ARHGAP20: variants seen among roughly 807,000 people sequenced by gnomAD.
The protein encoded by ARHGAP20 is Rho GTPase activating protein 20, also known as rho GTPase-activating protein 20.
A neutral mutation model predicts 73.7 loss-of-function variants in ARHGAP20; 34 were observed. The ratio of observed to expected loss-of-function variants is 0.46; its 90% CI spans 0.35 to 0.61. The LOEUF is 0.61. Among genes scored for constraint, ARHGAP20 ranks in the 20% least tolerant of loss-of-function variants. The probability of loss-of-function intolerance (pLI) is 0.00; values close to 1 mark genes in which losing one functional copy is unlikely to be tolerated. For missense variants in ARHGAP20, 1,314 were observed against 1,420.9 expected (o/e 0.92, Z 1.21); for synonymous variants, 523 against 518.2 (o/e 1.01, Z -0.13).
intron 2 of ARHGAP20, among the ~76,000 whole-genome samples, chr11:110,666,866 G>C (rs113456171): frequency 2.8e-4 from 42 of 152,300 alleles, no homozygotes; most frequent in African/African-American, 9.6e-4. Context: ...TACGGGGAAA[G>C]TTTTAGGGAT....
At chr11:110,711,446 C>G (rs1332265578) in intron 1 of ARHGAP20, among the ~76,000 whole-genome samples, 3 of 150,702 alleles carry the variant, frequency 2.0e-5, no homozygotes, top group Non-Finnish European at 4.4e-5. Flanking sequence ...TAGGCCCAGC[C>G]GAACCTACAT....
chr11:110,581,279 A>C, intron 14 of ARHGAP20, 54 bp from the exon 15 acceptor site: 22 of 1,495,864 alleles, frequency 1.5e-5, no homozygotes, highest in Non-Finnish European at 1.9e-5. Context: ...AAATATACTC[A>C]TGCTTCCTTA....
At chr11:110,635,642 T>C (rs1051741867) in intron 2 of ARHGAP20, among the ~76,000 whole-genome samples, 3 of 152,086 alleles carry the variant, frequency 2.0e-5, no homozygotes, top group African/African-American at 7.2e-5. Context: ...CCACATACTA[T>C]GTATAACTTA....
chr11:110,665,212 G>A (rs1949699843), intron 2 of ARHGAP20, among the ~76,000 whole-genome samples: 2 of 152,182 alleles, frequency 1.3e-5, no homozygotes, highest in Non-Finnish European at 2.9e-5. Context: ...CTAAAACAGT[G>A]TTTTAAAAAG....
Position 110,578,819 on chromosome 11 carries a change from A to C in ARHGAP20, c.*551T>G. On this transcript the variant is annotated 3_prime_UTR_variant, in exon 15 of 15. Coordinates refer to ENST00000683387, the MANE Select transcript of ARHGAP20 (RefSeq NM_001384657.1). ...GTTCTTGGAATGATTCTGTAAGGAC[A>C]CGTGATTAGTAAGATCCCACAAAAA... is the stretch of plus-strand genomic sequence containing the variant. The C allele has an allele frequency of 1.0e-6, 1 of 985,928 alleles. No homozygotes were observed. Among genetic ancestry groups the C allele is most frequent in the Non-Finnish European group, 1.2e-6 (1 of 830,022 alleles). The allele number at this position is 985,928 out of a possible 1,614,324, so 61.1% of individuals were successfully genotyped here.
At chr11:110,702,335 AC>A (rs1591192609) in intron 1 of ARHGAP20, among the ~76,000 whole-genome samples, 2 of 152,216 alleles carry the variant, frequency 1.3e-5, no homozygotes, top group Admixed American at 6.5e-5. Flanking sequence ...AAATTCAACA[AC>A]CCTTCATGCT....
rs1395061511 is a variant in ARHGAP20, at chr11:110,619,448, T to C, written c.504-3854A>G. On this transcript the variant is annotated intron_variant, in intron 4 of 14. Coordinates refer to ENST00000683387, the MANE Select transcript of ARHGAP20 (RefSeq NM_001384657.1). ...GTAGAGTATATGCAGTGATAGAGTA[T>C]ATGTAGTGATAGTGTATATGTAGTG... Among the ~76,000 whole-genome samples, 3 of 151,624 alleles carry C rather than the reference T, an allele frequency of 2.0e-5. No homozygotes were observed. The East Asian group carries it at 5.8e-4, about 29-fold the overall frequency.
chr11:110,635,260 T>A (rs574427718), intron 2 of ARHGAP20, among the ~76,000 whole-genome samples: 2 of 152,016 alleles, frequency 1.3e-5, no homozygotes, highest in African/African-American at 4.8e-5. Context: ...CTGATCAGCA[T>A]CATCATCATC....
chr11:110,585,091 GTGAATATA>G (rs967245325), intron 12 of ARHGAP20, among the ~76,000 whole-genome samples: 2 of 149,846 alleles, frequency 1.3e-5, no homozygotes, highest in African/African-American at 2.4e-5. Context: ...ATGAATATAT[GTGAATATA>G]TGAATATATG....
intron 9 of ARHGAP20, among the ~76,000 whole-genome samples, chr11:110,604,454 C>T (rs1948177283): frequency 6.6e-6 from 1 of 152,048 alleles, no homozygotes; most frequent in Admixed American, 6.6e-5. Flanking sequence ...TGGTTAAAAC[C>T]CTTAGGATTC....
chr11:110,594,287 AGGAGCCTC>A (rs1947899381), intron 9 of ARHGAP20, among the ~76,000 whole-genome samples: 2 of 152,254 alleles, frequency 1.3e-5, no homozygotes, highest in South Asian at 4.1e-4. Context: ...CTCTAGAGTC[AGGAGCCTC>A]TCTGCACTCC....
intron 2 of ARHGAP20, among the ~76,000 whole-genome samples, chr11:110,635,342 G>T (rs185292005): frequency 6.6e-6 from 1 of 152,094 alleles, no homozygotes; most frequent in Admixed American, 6.6e-5. Flanking sequence ...AACTCTGGAG[G>T]GTTGGCTCAG....
chr11:110,630,554 T>C (rs891372168), intron 3 of ARHGAP20, 74 bp downstream of exon 3: 30 of 1,415,968 alleles, frequency 2.1e-5, no homozygotes, highest in Non-Finnish European at 2.7e-5. Context: ...ACAGTAAGCA[T>C]TGAGTAGAAA....
intron 2 of ARHGAP20, among the ~76,000 whole-genome samples, chr11:110,651,393 G>T (rs1949348619): frequency 6.6e-6 from 1 of 151,732 alleles, no homozygotes; most frequent in African/African-American, 2.4e-5. Context: ...ACTGAAGAAG[G>T]TAGAGACATG....
chr11:110,698,760 A>G (rs1202374553), intron 1 of ARHGAP20, among the ~76,000 whole-genome samples: 2 of 151,840 alleles, frequency 1.3e-5, no homozygotes, highest in Non-Finnish European at 2.9e-5. Context: ...TATCAATTGT[A>G]ATATCACCTT....
chr11:110,593,915 T>C (rs778333418), intron 9 of ARHGAP20, among the ~76,000 whole-genome samples: 12 of 152,234 alleles, frequency 7.9e-5, no homozygotes, highest in Non-Finnish European at 1.6e-4. Context: ...AATTGGTAAT[T>C]AGACTGGCTG....
intron 2 of ARHGAP20, among the ~76,000 whole-genome samples, chr11:110,656,963 C>T (rs1045295445): frequency 5.9e-5 from 9 of 152,140 alleles, no homozygotes; most frequent in African/African-American, 1.9e-4. Context: ...CCATGCTCTT[C>T]CAAAGGTAAA....
chr11:110,599,761 G>A (rs1388418902), intron 9 of ARHGAP20, among the ~76,000 whole-genome samples: 2 of 151,832 alleles, frequency 1.3e-5, no homozygotes, highest in African/African-American at 2.4e-5. Context: ...ACCAGCTGCA[G>A]AGAGGACTAC....
At chr11:110,587,950 C>T (rs890644731) in intron 11 of ARHGAP20, among the ~76,000 whole-genome samples, 1 of 151,996 alleles carries the variant, frequency 6.6e-6, no homozygotes, top group African/African-American at 2.4e-5. Flanking sequence ...GCTGCTGTAC[C>T]CACTTTAGAA....
Sources: gnomAD v4.1 joint callset for allele counts (sites outside exome capture counted in the v4.1 genomes callset) on GRCh38, gnomAD v4.1.1 for gene constraint, MANE v1.5 for transcripts, NCBI Gene and HGNC (gene_info 2026-07-23, HGNC 2026-07-21) for gene names.